The following DPP6 variants were observed in gnomAD, a reference collection of about 807,000 sequenced individuals.
DPP6 encodes dipeptidyl peptidase like 6, also known as A-type potassium channel modulatory protein DPP6.
A neutral mutation model predicts 122.6 loss-of-function variants in DPP6; 69 were observed. The ratio of observed to expected loss-of-function variants is 0.56; its 90% CI spans 0.46 to 0.69. The LOEUF (loss-of-function observed/expected upper bound fraction) is 0.69, where lower values mean the gene tolerates loss of function less well. DPP6 is among the 30% of genes least tolerant of loss of function. DPP6 has a pLI of 0.00. For missense variants in DPP6, 928 were observed against 1,116.9 expected (o/e 0.83, Z 2.41); for synonymous variants, 418 against 433.1 (o/e 0.97, Z 0.43).
intron 5 of DPP6, among the ~76,000 whole-genome samples, chr7:154,585,954 G>A (rs930705667): frequency 6.6e-6 from 1 of 152,148 alleles, no homozygotes; most frequent in African/African-American, 2.4e-5. Flanking sequence ...GAAAGGAGAG[G>A]AAGGCAGGGG....
At chr7:153,932,800 G>A (rs1357764420) in intron 1 of DPP6, among the ~76,000 whole-genome samples, 1 of 152,128 alleles carries the variant, frequency 6.6e-6, no homozygotes, top group African/African-American at 2.4e-5. Flanking sequence ...TCCACCTCCT[G>A]ATGATCTTAA....
intron 1 of DPP6, among the ~76,000 whole-genome samples, chr7:154,210,184 C>A (rs1458276490): frequency 6.6e-6 from 1 of 152,138 alleles, no homozygotes; most frequent in Non-Finnish European, 1.5e-5. Flanking sequence ...CAAGGGGAAC[C>A]TGTGTGGCTC....
At chr7:154,469,743 A>AG (rs1052481905) in intron 2 of DPP6, among the ~76,000 whole-genome samples, 1 of 152,214 alleles carries the variant, frequency 6.6e-6, no homozygotes, top group Non-Finnish European at 1.5e-5. Context: ...TTTTACTTTA[A>AG]GAAAAAAGAA....
At chr7:153,843,891 G>A in the DPP6 span, among the ~76,000 whole-genome samples, 14 of 152,228 alleles carry the variant, frequency 9.2e-5, no homozygotes, top group African/African-American at 2.2e-4. Context: ...AGAAATTCTC[G>A]GAAGGGAGTA....
intron 1 of DPP6, among the ~76,000 whole-genome samples, chr7:154,205,499 C>T (rs762773373): frequency 6.6e-6 from 1 of 152,170 alleles, no homozygotes; most frequent in Non-Finnish European, 1.5e-5. Context: ...CATGTATATA[C>T]ACTGATATGG....
chr7:153,950,150 C>G (rs1470740431), intron 1 of DPP6, among the ~76,000 whole-genome samples: 1 of 152,112 alleles, frequency 6.6e-6, no homozygotes, highest in Non-Finnish European at 1.5e-5. Flanking sequence ...GAAGGAGCAC[C>G]TCGGTTTACC....
intron 8 of DPP6, among the ~76,000 whole-genome samples, chr7:154,741,891 T>G (rs1484636882): frequency 6.6e-6 from 1 of 152,264 alleles, no homozygotes; most frequent in Non-Finnish European, 1.5e-5. Context: ...GTCCTGCATC[T>G]GTGTCTCCAG....
At chr7:154,180,502 A>G (rs1347807794) in intron 1 of DPP6, among the ~76,000 whole-genome samples, 1 of 143,840 alleles carries the variant, frequency 7.0e-6, no homozygotes, top group Non-Finnish European at 1.5e-5. Flanking sequence ...ATATAGATAT[A>G]TAAATAAATA....
intron 1 of DPP6, among the ~76,000 whole-genome samples, chr7:154,414,008 G>A (rs1374257703): frequency 6.6e-6 from 1 of 152,154 alleles, no homozygotes; most frequent in African/African-American, 2.4e-5. Context: ...TAAATTGCCT[G>A]TTTTTGAAGC....
At chr7:154,838,294 G>C (rs547017630) in intron 16 of DPP6, 6 of 152,220 alleles carry the variant, frequency 3.9e-5, no homozygotes, top group Non-Finnish European at 8.8e-5. Context: ...TTTCAAACTT[G>C]TTTTAAGCCA....
the DPP6 span, among the ~76,000 whole-genome samples, chr7:153,872,999 GTT>G: frequency 2.9e-4 from 44 of 152,340 alleles, no homozygotes; most frequent in African/African-American, 1.0e-3. Flanking sequence ...AAGGAAAAGA[GTT>G]TTATTGGGCT....
the DPP6 span, among the ~76,000 whole-genome samples, chr7:153,786,636 G>T: frequency 9.9e-3 from 1,493 of 150,530 alleles, 31 homozygotes; most frequent in African/African-American, 0.035. Context: ...CTACTCGGGA[G>T]GCTGAGGCAG....
chr7:153,953,315 A>G (rs1261336615), intron 1 of DPP6, among the ~76,000 whole-genome samples: 1 of 152,218 alleles, frequency 6.6e-6, no homozygotes, highest in Admixed American at 6.5e-5. Context: ...AACGGAAGCC[A>G]AAGAAGTTGG....
chr7:154,353,417 G>A (rs35466583), intron 1 of DPP6, among the ~76,000 whole-genome samples: 11,960 of 152,122 alleles, frequency 0.079, 624 homozygotes, highest in African/African-American at 0.13. Context: ...CAAAGTGGGA[G>A]GGCATTTGGA....
At chr7:154,716,622 T>A (rs10281341) in intron 7 of DPP6, among the ~76,000 whole-genome samples, 37,563 of 151,852 alleles carry the variant, frequency 0.25, 6,840 homozygotes, top group African/African-American at 0.5. Flanking sequence ...TCTTTAATGA[T>A]CAACAAATGT....
chr7:154,091,086 A>T (rs1259504904), intron 1 of DPP6, among the ~76,000 whole-genome samples: 5 of 150,378 alleles, frequency 3.3e-5, no homozygotes. Flanking sequence ...GCGCCACTGC[A>T]CTCCAGCTTG....
chr7:154,586,996 C>T (rs1328407744), intron 5 of DPP6, among the ~76,000 whole-genome samples: 1 of 152,182 alleles, frequency 6.6e-6, no homozygotes, highest in Non-Finnish European at 1.5e-5. Flanking sequence ...CAAATGAATT[C>T]CATAGAAACA....
At chr7:154,178,981 G>T (rs977558008) in intron 1 of DPP6, among the ~76,000 whole-genome samples, 2 of 152,126 alleles carry the variant, frequency 1.3e-5, no homozygotes, top group Non-Finnish European at 2.9e-5. Flanking sequence ...CAGATTCCTG[G>T]CCCCCAGCCC....
At chr7:153,887,688 A>G (rs745670100) in exon 1 of DPP6, 2 of 1,613,892 alleles carry the variant, frequency 1.2e-6, no homozygotes, top group South Asian at 1.1e-5. Context: ...GGCAAAATGA[A>G]GGAAAAGGCC....
Sources: gnomAD v4.1 joint callset for allele counts (sites outside exome capture counted in the v4.1 genomes callset) on GRCh38, gnomAD v4.1.1 for gene constraint, MANE v1.5 for transcripts, NCBI Gene and HGNC (gene_info 2026-07-23, HGNC 2026-07-21) for gene names.